Variants in HYCC1 observed in about 807,000 individuals in gnomAD.
HYCC1 encodes the protein hyccin PI4KA lipid kinase complex subunit 1.
At chr7:22,951,737 T>C in the HYCC1 span, among the ~76,000 whole-genome samples, 4 of 151,834 alleles carry the variant, frequency 2.6e-5, no homozygotes, top group Non-Finnish European at 4.4e-5. Context: ...ATTAAGCAAA[T>C]GATGGAATAT....
chr7:22,975,725 CTT>C, the HYCC1 span, among the ~76,000 whole-genome samples: 1 of 151,920 alleles, frequency 6.6e-6, no homozygotes, highest in African/African-American at 2.4e-5. Flanking sequence ...TGTTTGTGTT[CTT>C]TGTTTTTGAG....
At chr7:22,903,938 G>C in the HYCC1 span, among the ~76,000 whole-genome samples, 1 of 151,948 alleles carries the variant, frequency 6.6e-6, no homozygotes, top group Non-Finnish European at 1.5e-5. Flanking sequence ...AATGTTGAAG[G>C]AAAAATGAAG....
the HYCC1 span, among the ~76,000 whole-genome samples, chr7:22,916,101 A>T: frequency 6.6e-6 from 1 of 152,040 alleles, no homozygotes; most frequent in African/African-American, 2.4e-5. Context: ...CCAATATCCC[A>T]TCCCACAGCA....
At chr7:22,982,764 C>T in the HYCC1 span, among the ~76,000 whole-genome samples, 63 of 152,106 alleles carry the variant, frequency 4.1e-4, no homozygotes, top group Non-Finnish European at 7.9e-4. Flanking sequence ...AGCCACCTTC[C>T]TAACCCCTCA....
the HYCC1 span, among the ~76,000 whole-genome samples, chr7:22,922,452 G>A: frequency 1.4e-3 from 212 of 152,280 alleles, no homozygotes; most frequent in African/African-American, 4.6e-3. Context: ...GACCACTTAC[G>A]TTAGCATGGC....
At chr7:23,008,934 T>C in the HYCC1 span, among the ~76,000 whole-genome samples, 8 of 152,064 alleles carry the variant, frequency 5.3e-5, no homozygotes, top group African/African-American at 1.9e-4. Context: ...ATGCAAGCCC[T>C]TTCTAAGTAG....
At chr7:23,014,087 C>T in the HYCC1 span, 1 of 470,662 alleles carries the variant, frequency 2.1e-6, no homozygotes, top group South Asian at 1.5e-5. Context: ...CTCTCACTGA[C>T]TGACAACCCA....
chr7:22,918,776 A>C, the HYCC1 span, among the ~76,000 whole-genome samples: 1 of 149,816 alleles, frequency 6.7e-6, no homozygotes, highest in South Asian at 2.1e-4. Context: ...GTAATTTTCC[A>C]CTACCCACCC....
the HYCC1 span, among the ~76,000 whole-genome samples, chr7:22,924,268 C>T: frequency 1.4e-4 from 21 of 151,572 alleles, no homozygotes; most frequent in Non-Finnish European, 1.9e-4. Context: ...ATGCAGAAGA[C>T]GGGTGATTTC....
the HYCC1 span, among the ~76,000 whole-genome samples, chr7:22,930,458 G>C: frequency 6.7e-6 from 1 of 149,384 alleles, no homozygotes; most frequent in African/African-American, 2.5e-5. Context: ...AAAGTAAAGA[G>C]ATAAACTAGT....
the HYCC1 span, among the ~76,000 whole-genome samples, chr7:22,904,205 G>A: frequency 6.6e-6 from 1 of 151,792 alleles, no homozygotes; most frequent in African/African-American, 2.4e-5. Flanking sequence ...GCCAAGGCGG[G>A]CGGATCACGA....
the HYCC1 span, among the ~76,000 whole-genome samples, chr7:22,982,707 T>C: frequency 6.6e-6 from 1 of 152,136 alleles, no homozygotes; most frequent in Non-Finnish European, 1.5e-5. Flanking sequence ...AGCTTCCTAG[T>C]CTTCTTGCAT....
At chr7:22,912,708 A>G in the HYCC1 span, among the ~76,000 whole-genome samples, 1 of 152,196 alleles carries the variant, frequency 6.6e-6, no homozygotes, top group African/African-American at 2.4e-5. Context: ...GTAACTGACC[A>G]TTTGAAAGAG....
chr7:22,913,430 T>C, the HYCC1 span, among the ~76,000 whole-genome samples: 1 of 152,094 alleles, frequency 6.6e-6, no homozygotes, highest in Non-Finnish European at 1.5e-5. Flanking sequence ...CCCAAGGCAA[T>C]GCCCTCCTAG....
At chr7:22,991,711 GAAGT>G in the HYCC1 span, among the ~76,000 whole-genome samples, 1 of 152,014 alleles carries the variant, frequency 6.6e-6, no homozygotes, top group African/African-American at 2.4e-5. Flanking sequence ...TAAATTTAAA[GAAGT>G]AAGCTAAAGG....
the HYCC1 span, chr7:22,944,940 C>A: frequency 6.6e-6 from 1 of 152,310 alleles, no homozygotes; most frequent in Admixed American, 6.5e-5. Flanking sequence ...CCCCTGGAAT[C>A]ATATAATATT....
At chr7:22,993,719 C>T in the HYCC1 span, among the ~76,000 whole-genome samples, 33 of 151,938 alleles carry the variant, frequency 2.2e-4, no homozygotes, top group Middle Eastern at 3.4e-3. Flanking sequence ...CACACACACA[C>T]GTACGCATGT....
At chr7:22,951,343 T>A in the HYCC1 span, among the ~76,000 whole-genome samples, 1 of 151,942 alleles carries the variant, frequency 6.6e-6, no homozygotes, top group Non-Finnish European at 1.5e-5. Flanking sequence ...TATACATCTC[T>A]GTACTCAGAT....
chr7:23,004,925 C>G, the HYCC1 span, among the ~76,000 whole-genome samples: 2 of 152,104 alleles, frequency 1.3e-5, no homozygotes, highest in African/African-American at 4.8e-5. Flanking sequence ...CCTGCCTCAG[C>G]CTCCTGAGTA....
Sources: gnomAD v4.1 joint callset for allele counts (sites outside exome capture counted in the v4.1 genomes callset) on GRCh38, gnomAD v4.1.1 for gene constraint, MANE v1.5 for transcripts, NCBI Gene and HGNC (gene_info 2026-07-23, HGNC 2026-07-21) for gene names.